The following GPATCH1 variants were observed in gnomAD, a reference collection of about 807,000 sequenced individuals.
GPATCH1 encodes the protein G patch domain-containing protein 1.
Under a neutral mutation model 114.9 loss-of-function variants are expected in GPATCH1, and 73 were observed. That is an observed-to-expected ratio of 0.64 (90% CI 0.53 to 0.77). The LOEUF (loss-of-function observed/expected upper bound fraction) is 0.77, where lower values mean the gene tolerates loss of function less well. Ranked by LOEUF, GPATCH1 falls within the 30% of genes least tolerant of loss-of-function variation. The probability of loss-of-function intolerance (pLI) is 0.00; values close to 1 mark genes in which losing one functional copy is unlikely to be tolerated. For missense variants in GPATCH1, 1,058 were observed against 1,144.3 expected, an observed-to-expected ratio of 0.92 and a Z score of 1.09; for synonymous variants, 391 against 428.4, an observed-to-expected ratio of 0.91 and a Z score of 1.08.
At chr19:33,109,074 G>A (rs915139857) in intron 10 of GPATCH1, among the ~76,000 whole-genome samples, 1 of 151,970 alleles carries the variant, frequency 6.6e-6, no homozygotes, top group Non-Finnish European at 1.5e-5. Context: ...AAAAGTAGTC[G>A]GGCATGGTGG....
intron 5 of GPATCH1, among the ~76,000 whole-genome samples, 199 bp from the exon 6 acceptor site, chr19:33,095,563 T>C (rs79024536): frequency 6.8e-6 from 1 of 146,322 alleles, no homozygotes; most frequent in Non-Finnish European, 1.5e-5. Context: ...GCGCCCAGCC[T>C]TTTTTTTTTT....
At chr19:33,106,601 G>A in intron 9 of GPATCH1, 94 bp from the exon 10 acceptor site, 1 of 983,836 alleles carries the variant, frequency 1.0e-6, no homozygotes, top group East Asian at 2.4e-5. Flanking sequence ...GGAAGGGGCG[G>A]GGTTAACAAG....
chr19:33,114,041 C>A, intron 14 of GPATCH1, 138 bp downstream of exon 14: 2 of 877,748 alleles, frequency 2.3e-6, no homozygotes, highest in Non-Finnish European at 3.5e-6. Context: ...ATTACTCTTA[C>A]TAATAACTTA....
intron 8 of GPATCH1, among the ~76,000 whole-genome samples, chr19:33,098,338 C>T (rs1328236230): frequency 6.6e-6 from 1 of 152,194 alleles, no homozygotes; most frequent in African/African-American, 2.4e-5. Flanking sequence ...GCTGGGCGCC[C>T]AGTCCGTCTT....
intron 7 of GPATCH1, 103 bp from the exon 8 acceptor site, chr19:33,097,651 GT>G (rs1177859702): frequency 1.9e-6 from 2 of 1,028,550 alleles, no homozygotes; most frequent in Non-Finnish European, 2.9e-6. Context: ...TGATCTTGAA[GT>G]GCTAACATGG....
At chr19:33,114,894 C>T (rs1972899956) in intron 15 of GPATCH1, among the ~76,000 whole-genome samples, 1 of 149,732 alleles carries the variant, frequency 6.7e-6, no homozygotes, top group East Asian at 2.0e-4. Context: ...GCTCTGCCTC[C>T]CCTCCCGGGT....
At position 33,093,399 on chromosome 19, in the gene GPATCH1, C is replaced by T; in HGVS notation, c.335C>T (p.Thr112Ile). Reference sequence around the variant, plus strand: ...GGGATAGCACCTAAAGCGATTGTCACCACAGACGATTTTGCCTCCAAAACC... The same window carrying T: ...GGGATAGCACCTAAAGCGATTGTCATCACAGACGATTTTGCCTCCAAAACC... ...EFGIAPKAIV[T>I]TDDFASKTKD... Residue 112 changes from threonine to isoleucine, a missense_variant, in exon 4 of 20, where the codon ACC becomes ATC. Thr to Ile is a moderately conservative substitution (Grantham distance 89, BLOSUM62 -1). This residue lies in a region of GPATCH1 where 34 missense variants were observed against 59.6 expected (regional missense o/e 0.57). Transcript: ENST00000170564. 1.2e-6 allele frequency: 2 copies of T among 1,613,310 alleles called. No individual in the cohort carries two copies. The highest frequency in any genetic ancestry group is 1.7e-6 in the Non-Finnish European group (2 of 1,179,390).
chr19:33,099,675 T>C (rs949979992), intron 8 of GPATCH1, among the ~76,000 whole-genome samples: 1 of 151,826 alleles, frequency 6.6e-6, no homozygotes, highest in Non-Finnish European at 1.5e-5. Context: ...CTCGGCTCAC[T>C]GCAACCTCCG....
At chr19:33,119,808 T>C (rs1282135113) in intron 17 of GPATCH1, among the ~76,000 whole-genome samples, 2 of 151,248 alleles carry the variant, frequency 1.3e-5, no homozygotes, top group Non-Finnish European at 2.9e-5. Context: ...TTGCTTGAGG[T>C]CAGGAGTTTG....
At chr19:33,129,180 G>A (rs1265578235) in intron 19 of GPATCH1, among the ~76,000 whole-genome samples, 1 of 151,898 alleles carries the variant, frequency 6.6e-6, no homozygotes, top group Non-Finnish European at 1.5e-5. Flanking sequence ...CTGGGAGGTG[G>A]AGGTTGCAGT....
intron 1 of GPATCH1, among the ~76,000 whole-genome samples, chr19:33,083,243 CA>C (rs759998717): frequency 0.018 from 1,097 of 61,668 alleles, 7 homozygotes; most frequent in South Asian, 0.042. Context: ...GACTCTGTCT[CA>C]AAAAAAAAAA....
chr19:33,101,044 T>G (rs1272583230), intron 8 of GPATCH1, among the ~76,000 whole-genome samples: 5 of 152,214 alleles, frequency 3.3e-5, no homozygotes, highest in Non-Finnish European at 7.3e-5. Flanking sequence ...CCTATTTGGA[T>G]TGTTGCTAAG....
At chr19:33,094,073 A>G in intron 4 of GPATCH1, 99 bp from the exon 5 acceptor site, 1 of 714,426 alleles carries the variant, frequency 1.4e-6, no homozygotes, top group Non-Finnish European at 2.5e-6. Context: ...CCCAGGCAAG[A>G]CAGGCCTAGG....
At chr19:33,120,012 TTTTATATATTTATATA>T (rs549403160) in intron 17 of GPATCH1, among the ~76,000 whole-genome samples, 2 of 141,636 alleles carry the variant, frequency 1.4e-5, no homozygotes, top group Non-Finnish European at 1.5e-5. Flanking sequence ...ATTTTATATA[TTTTATATATTTATATA>T]TTTATATATT....
In GPATCH1 at chr19:33,106,820, G is replaced by A. The variant is rs764846900; in HGVS notation, c.1206G>A (p.Thr402=). 8 of 1,613,908 alleles carry A rather than the reference G, an allele frequency of 5.0e-6. No homozygotes were observed. The highest frequency in any genetic ancestry group is 2.2e-5 in the East Asian group (1 of 44,854). ...TATCAGAGTCAGCTGGAAAGGCAAC[G>A]CCTGACCCAGGGACACACAGTAAGC... ...QVLSESAGKA[T]PDPGTHSKHQ... The change falls in exon 10 of 20, where the codon ACG becomes ACA. Residue 402 remains threonine (T), a synonymous_variant. Transcript: ENST00000170564.
chr19:33,120,684 G>A (rs887287533), intron 17 of GPATCH1, among the ~76,000 whole-genome samples: 8 of 151,676 alleles, frequency 5.3e-5, no homozygotes, highest in Middle Eastern at 3.2e-3. Context: ...GACACAGGGA[G>A]ACCCATCTCT....
chr19:33,123,065 C>G lies in GPATCH1; in HGVS notation c.2522-2040C>G, dbSNP rs1973002890. On this transcript the variant is annotated intron_variant, in intron 17 of 19. Coordinates refer to ENST00000170564, the MANE Select transcript of GPATCH1 (RefSeq NM_018025.3). Reference sequence around the variant, plus strand: ...CCAGCCTGGGTGACAAAGCGAGATGCTGTCTCAAAAATAAATAAATAAATA... The same window carrying G: ...CCAGCCTGGGTGACAAAGCGAGATGGTGTCTCAAAAATAAATAAATAAATA... 2.9e-5 allele frequency among the ~76,000 whole-genome samples: 4 copies of G among 139,224 alleles called. No individual in the cohort carries two copies. The South Asian group carries it at 9.5e-4, about 33-fold the overall frequency. 91.3% of individuals were successfully genotyped at this position (139,224 alleles called of 152,430 possible).
intron 9 of GPATCH1, among the ~76,000 whole-genome samples, chr19:33,102,428 G>A (rs1005785716): frequency 8.4e-6 from 1 of 119,416 alleles, no homozygotes; most frequent in Non-Finnish European, 1.7e-5. Flanking sequence ...ATGGAGTCTT[G>A]TTCTGTCACC....
At chr19:33,114,767 T>A (rs922100194) in intron 15 of GPATCH1, among the ~76,000 whole-genome samples, 3 of 151,470 alleles carry the variant, frequency 2.0e-5, no homozygotes, top group African/African-American at 7.3e-5. Flanking sequence ...ACTTCTTAGG[T>A]GTATATACAT....
Sources: allele counts gnomAD v4.1 joint callset (sites outside exome capture counted in the v4.1 genomes callset), GRCh38; gene constraint gnomAD v4.1.1; regional missense constraint gnomAD v4.1.1; transcripts MANE v1.5; gene names NCBI Gene and HGNC (gene_info 2026-07-23, HGNC 2026-07-21).